The following TNNI3K variants were observed in gnomAD, a reference collection of about 807,000 sequenced individuals.
The protein encoded by TNNI3K is serine/threonine-protein kinase TNNI3K.
TNNI3K carries 140 observed loss-of-function variants against 114.5 expected under a neutral mutation model. The ratio of observed to expected loss-of-function variants is 1.22; its 90% CI spans 1.07 to 1.41. The LOEUF is 1.41. Ranked by LOEUF, TNNI3K falls within the 40% of genes most tolerant of loss-of-function variation. The pLI, the probability that TNNI3K is intolerant of heterozygous loss-of-function variation, is 0.00. For synonymous variants in TNNI3K, 347 were observed against 347.5 expected, an observed-to-expected ratio of 1.00 and a Z score of 0.02; for missense variants, 1,125 against 1,007.6, an observed-to-expected ratio of 1.12 and a Z score of -1.58.
At chr1:74,366,297 T>C (rs1479871417) in intron 11 of TNNI3K, among the ~76,000 whole-genome samples, 1 of 152,030 alleles carries the variant, frequency 6.6e-6, no homozygotes, top group African/African-American at 2.4e-5. Context: ...ATTAGCTTCA[T>C]AGATTATTTT....
At chr1:74,270,809 A>T (rs1656295290) in intron 4 of TNNI3K, among the ~76,000 whole-genome samples, 1 of 151,796 alleles carries the variant, frequency 6.6e-6, no homozygotes, top group South Asian at 2.1e-4. Context: ...TCTTTGTATA[A>T]CAAAGATTAA....
chr1:74,520,723 C>G (rs1646420272), intron 23 of TNNI3K, among the ~76,000 whole-genome samples: 1 of 152,016 alleles, frequency 6.6e-6, no homozygotes, highest in African/African-American at 2.4e-5. Flanking sequence ...CTGGGGCATA[C>G]TATGTGGTAT....
At chr1:74,369,932 T>A (rs946032455) in intron 16 of TNNI3K, 1 of 243,696 alleles carries the variant, frequency 4.1e-6, no homozygotes, top group African/African-American at 2.2e-5. Flanking sequence ...CTTGAACAAA[T>A]CCAATGTGAA....
At chr1:74,344,196 A>G (rs1353004583) in intron 9 of TNNI3K, among the ~76,000 whole-genome samples, 1 of 152,206 alleles carries the variant, frequency 6.6e-6, no homozygotes, top group Non-Finnish European at 1.5e-5. Flanking sequence ...TTTCTTGTCA[A>G]CCAAAGACTC....
intron 23 of TNNI3K, among the ~76,000 whole-genome samples, chr1:74,514,713 A>C (rs1460107213): frequency 2.0e-5 from 3 of 152,136 alleles, no homozygotes; most frequent in Non-Finnish European, 4.4e-5. Flanking sequence ...ACACCATAAG[A>C]AATTCTGTTT....
rs544942401 is a variant in TNNI3K at position 74,533,291 on chromosome 1, G to C, written c.2352-6943G>C. ...CTTCTCAAAAGAAGACATTTATGCA[G>C]CCAAAAAACACATGAAAAAATGCTC... On this transcript the variant is annotated intron_variant, in intron 23 of 24. Transcript: ENST00000326637. Among the ~76,000 whole-genome samples the C allele has an allele frequency of 3.0e-3, 454 of 152,202 alleles. 7 individuals carry two copies. The highest frequency in any genetic ancestry group is 0.01 in the African/African-American group (419 of 41,538).
chr1:74,296,153 G>C (rs1226245030), intron 5 of TNNI3K, among the ~76,000 whole-genome samples: 2 of 151,954 alleles, frequency 1.3e-5, no homozygotes, highest in Admixed American at 6.6e-5. Context: ...GCGGGCGCCT[G>C]TAGTCCCAGC....
chr1:74,442,102 C>G (rs1470920836), intron 20 of TNNI3K, among the ~76,000 whole-genome samples: 1 of 151,740 alleles, frequency 6.6e-6, no homozygotes, highest in Non-Finnish European at 1.5e-5. Flanking sequence ...TTTATAAGAT[C>G]TATTTTGAGT....
intron 20 of TNNI3K, among the ~76,000 whole-genome samples, chr1:74,461,600 C>CA (rs199778516): frequency 0.021 from 3,114 of 150,802 alleles, 32 homozygotes; most frequent in Middle Eastern, 0.072. Context: ...ATCTAAACAA[C>CA]AAAAAAAATG....
chr1:74,325,988 T>G (rs1415091260), intron 5 of TNNI3K, among the ~76,000 whole-genome samples: 3 of 152,154 alleles, frequency 2.0e-5, no homozygotes, highest in African/African-American at 7.2e-5. Context: ...ATTGTTCTTC[T>G]CTCTATAAAT....
intron 23 of TNNI3K, among the ~76,000 whole-genome samples, chr1:74,524,695 T>C (rs45536733): frequency 0.041 from 6,145 of 151,390 alleles, 191 homozygotes; most frequent in East Asian, 0.082. Flanking sequence ...GAAAATAATC[T>C]CTTCCCTCGT....
intron 21 of TNNI3K, chr1:74,468,473 T>C (rs573619787): frequency 4.6e-5 from 7 of 152,100 alleles, no homozygotes; most frequent in Non-Finnish European, 7.4e-5. Context: ...GCAGAGATAA[T>C]GAACAGAAAT....
At chr1:74,478,148 C>T (rs1242804138) in intron 21 of TNNI3K, among the ~76,000 whole-genome samples, 8 of 152,062 alleles carry the variant, frequency 5.3e-5, no homozygotes, top group Non-Finnish European at 1.2e-4. Flanking sequence ...GATAACTCAC[C>T]ACACGTGTGC....
At chr1:74,277,132 C>T (rs1656731921) in intron 5 of TNNI3K, among the ~76,000 whole-genome samples, 1 of 152,096 alleles carries the variant, frequency 6.6e-6, no homozygotes, top group Non-Finnish European at 1.5e-5. Context: ...AAAATATTAG[C>T]TAACATTTGG....
chr1:74,500,018 T>C (rs1669528001), intron 23 of TNNI3K, among the ~76,000 whole-genome samples: 1 of 151,946 alleles, frequency 6.6e-6, no homozygotes, highest in Non-Finnish European at 1.5e-5. Flanking sequence ...GCTATATTTC[T>C]ATTCTTTGGT....
chr1:74,426,345 C>T (rs1029722079), intron 17 of TNNI3K, among the ~76,000 whole-genome samples: 2 of 152,092 alleles, frequency 1.3e-5, no homozygotes, highest in Admixed American at 6.5e-5. Context: ...TCTGCAGGAG[C>T]AAAGCCTCTG....
At chr1:74,457,754 G>T (rs1030793731) in intron 20 of TNNI3K, among the ~76,000 whole-genome samples, 1 of 152,070 alleles carries the variant, frequency 6.6e-6, no homozygotes, top group Admixed American at 6.6e-5. Flanking sequence ...TTACTTTAGG[G>T]ATTGAGAATC....
chr1:74,354,105 T>C lies in TNNI3K; in HGVS notation c.1153T>C (p.Cys385Arg), dbSNP rs184306323. The change falls in exon 11 of 25, where the codon TGT (cysteine) becomes CGT (arginine). Residue 385 changes from cysteine (C) to arginine (R), a missense_variant. Physicochemically the swap from Cys to Arg is radical, Grantham distance 180 (BLOSUM62 -3). Transcript: ENST00000326637. ...TAGTGGTGAAAAAGATGAGCAGACA[T>C]GTTTGATGTGGGCTTATGAAAAAGG... ...RSSGEKDEQT[C>R]LMWAYEKGHD... is the part of the protein sequence containing the mutation. The C allele has an allele frequency of 8.1e-6, 13 of 1,614,044 alleles. No homozygotes were observed. In the East Asian group the frequency reaches 2.7e-4, roughly 33 times the overall value.
intron 23 of TNNI3K, among the ~76,000 whole-genome samples, chr1:74,531,097 T>C (rs1346819008): frequency 6.6e-6 from 1 of 152,194 alleles, no homozygotes; most frequent in Non-Finnish European, 1.5e-5. Context: ...GCCAAGTCTT[T>C]CAGTTCTTTT....
Sources: allele counts gnomAD v4.1 joint callset (sites outside exome capture counted in the v4.1 genomes callset), GRCh38; gene constraint gnomAD v4.1.1; transcripts MANE v1.5; gene names NCBI Gene and HGNC (gene_info 2026-07-23, HGNC 2026-07-21).